The following COPS3 variants were observed in gnomAD, a reference collection of about 807,000 sequenced individuals.
COPS3 encodes the protein COP9 signalosome subunit 3, also known as COP9 signalosome complex subunit 3.
COPS3 carries 10 observed loss-of-function variants against 58.2 expected under a neutral mutation model. The observed-to-expected ratio is 0.17, with a 90% CI of 0.11 to 0.29. The LOEUF (loss-of-function observed/expected upper bound fraction) is 0.29, where lower values mean the gene tolerates loss of function less well. Among genes scored for constraint, COPS3 ranks in the 10% least tolerant of loss-of-function variants. COPS3 has a pLI of 1.00. For synonymous variants in COPS3, 187 were observed against 181.7 expected (o/e 1.03, Z -0.24); for missense variants, 333 against 510.1 (o/e 0.65, Z 3.34).
chr17:17,260,788 G>C, intron 7 of COPS3: 2 of 141,132 alleles, frequency 1.4e-5, no homozygotes, highest in Non-Finnish European at 2.9e-5. Context: ...GGGCAACAAA[G>C]CAAAACTCCG....
intron 7 of COPS3, 164 bp downstream of exon 7, chr17:17,261,802 C>T: frequency 1.7e-6 from 1 of 578,462 alleles, no homozygotes; most frequent in Non-Finnish European, 3.0e-6. Flanking sequence ...CCATTCCAAT[C>T]AGGTAATGAG....
At chr17:17,272,624 T>C (rs1277946893) in intron 2 of COPS3, among the ~76,000 whole-genome samples, 2 of 152,078 alleles carry the variant, frequency 1.3e-5, no homozygotes, top group African/African-American at 4.8e-5. Flanking sequence ...AATGAAAATA[T>C]TGGCTGGGCA....
In COPS3 at chr17:17,247,526, T is replaced by C. The variant is rs1779411088; in HGVS notation, c.1172A>G (p.Lys391Arg). The C allele has an allele frequency of 6.2e-7, 1 of 1,614,244 alleles. No homozygotes were observed. The highest frequency in any genetic ancestry group is 8.5e-7 in the Non-Finnish European group (1 of 1,180,044). Residue 391 changes from lysine to arginine, a missense_variant, in exon 11 of 12, where the codon AAA becomes AGA. Physicochemically the swap from Lys to Arg is conservative, Grantham distance 26. Transcript: ENST00000268717. ...LKCIELDERL[K>R]AMDQEITVNP... ...CACTGTGATCTCCTGGTCCATGGCT[T>C]TCAGCCGCTCATCCAGCTCAATGCA... is the stretch of plus-strand genomic sequence containing the variant.
intron 6 of COPS3, 78 bp from the exon 7 acceptor site, chr17:17,262,184 A>G (rs2048115910): frequency 1.5e-6 from 2 of 1,299,806 alleles, no homozygotes; most frequent in Non-Finnish European, 2.1e-6. Context: ...GTATCACATT[A>G]ATTATAAGTC....
At chr17:17,267,591 T>C (rs2048255500) in intron 5 of COPS3, among the ~76,000 whole-genome samples, 2 of 150,756 alleles carry the variant, frequency 1.3e-5, no homozygotes, top group African/African-American at 4.9e-5. Context: ...TGAGCTGAGA[T>C]TGTGCCACTG....
chr17:17,266,130 T>C (rs1712010395), intron 5 of COPS3, among the ~76,000 whole-genome samples: 1 of 152,158 alleles, frequency 6.6e-6, no homozygotes, highest in Non-Finnish European at 1.5e-5. Flanking sequence ...TTTGAAATAA[T>C]CCACATACCA....
At chr17:17,249,946 A>G (rs943371230) in intron 9 of COPS3, among the ~76,000 whole-genome samples, 4 of 152,064 alleles carry the variant, frequency 2.6e-5, no homozygotes, top group Admixed American at 6.6e-5. Context: ...TAAAGTGAGC[A>G]ATTAATTGGC....
Position 17,252,266 on chromosome 17 carries a change from A to C in COPS3, c.1023+2593T>G, listed in dbSNP as rs74583570. Among the ~76,000 whole-genome samples, 63 of 152,208 alleles carry C rather than the reference A, an allele frequency of 4.1e-4. 1 individual carries two copies. The highest frequency in any genetic ancestry group is 2.3e-3 in the South Asian group (11 of 4,828). On this transcript the variant is annotated intron_variant, in intron 9 of 11. Coordinates refer to ENST00000268717, the MANE Select transcript of COPS3 (RefSeq NM_003653.4). ...TTAAAAAACAAACAAACAAAAAAAA[A>C]CCCTGGTCTCACAGACCTTTCATTC...
chr17:17,265,991 G>A (rs986127349), intron 5 of COPS3, among the ~76,000 whole-genome samples: 5 of 152,300 alleles, frequency 3.3e-5, no homozygotes, highest in African/African-American at 4.8e-5. Flanking sequence ...TAATGGAGAC[G>A]CAGTGTAGAC....
chr17:17,266,579 G>A (rs1005895154), intron 5 of COPS3, among the ~76,000 whole-genome samples: 1 of 151,260 alleles, frequency 6.6e-6, no homozygotes, highest in Non-Finnish European at 1.5e-5. Flanking sequence ...TGGGCGGATC[G>A]CTTGAAGTCA....
intron 3 of COPS3, 36 bp from the exon 4 acceptor site, chr17:17,270,843 T>C: frequency 6.2e-7 from 1 of 1,603,720 alleles, no homozygotes; most frequent in African/African-American, 1.3e-5. Flanking sequence ...AATATAAATA[T>C]AACCACAAGG....
intron 2 of COPS3, among the ~76,000 whole-genome samples, chr17:17,271,836 A>ATATC (rs1015322673): frequency 7.6e-5 from 6 of 79,096 alleles, no homozygotes; most frequent in East Asian, 5.3e-4. Flanking sequence ...AAATCTATAT[A>ATATC]TATCTATATA....
At chr17:17,253,920 GGT>G (rs2047904339) in intron 9 of COPS3, among the ~76,000 whole-genome samples, 1 of 152,020 alleles carries the variant, frequency 6.6e-6, no homozygotes, top group Non-Finnish European at 1.5e-5. Flanking sequence ...GAACCCTGGA[GGT>G]GGGGGTTGCA....
At position 17,262,100 on chromosome 17, in the gene COPS3, T is replaced by C; in HGVS notation, c.628A>G (p.Thr210Ala). 1 of 1,608,736 alleles carries C rather than the reference T, an allele frequency of 6.2e-7. No homozygotes were observed. Among genetic ancestry groups the C allele is most frequent in the Non-Finnish European group, 8.5e-7 (1 of 1,178,620 alleles). Residue 210 changes from threonine (T) to alanine (A), a missense_variant, in exon 7 of 12, where the codon ACT (threonine) becomes GCT (alanine). Thr to Ala is a moderately conservative substitution (Grantham distance 58). Transcript: ENST00000268717. ...RALYFYEQAI[T>A]TPAMAVSHIM... is the part of the protein sequence containing the mutation. Reference sequence around the variant, plus strand: ...TGACTGACCGCCATGGCAGGAGTAGTTATAGCCTAGGCAAGAGAAGAATGC... The same window carrying C: ...TGACTGACCGCCATGGCAGGAGTAGCTATAGCCTAGGCAAGAGAAGAATGC...
At chr17:17,262,132 T>A (rs2048114639) in intron 6 of COPS3, 26 bp from the exon 7 acceptor site, 1 of 1,597,346 alleles carries the variant, frequency 6.3e-7, no homozygotes. Flanking sequence ...ATGCTTGCTG[T>A]AAAGAGAACA....
intron 6 of COPS3, 140 bp from the exon 7 acceptor site, chr17:17,262,246 G>T (rs2048117323): frequency 2.5e-6 from 2 of 794,170 alleles, no homozygotes; most frequent in Non-Finnish European, 3.9e-6. Context: ...TATTGAGATA[G>T]AATTCATTTT....
chr17:17,251,769 A>G (rs1394012630), intron 9 of COPS3, among the ~76,000 whole-genome samples: 2 of 152,316 alleles, frequency 1.3e-5, no homozygotes, highest in East Asian at 3.9e-4. Context: ...AGAAACAAAC[A>G]GAACTAAAAT....
chr17:17,260,343 G>A lies in COPS3; in HGVS notation c.894C>T (p.Cys298=). The A allele has an allele frequency of 6.2e-7, 1 of 1,614,156 alleles. No individual in the cohort carries two copies. The highest frequency in any genetic ancestry group is 8.5e-7 in the Non-Finnish European group (1 of 1,180,006). Residue 298 remains cysteine (C), a synonymous_variant, in exon 8 of 12, where the codon TGC becomes TGT. Coordinates refer to ENST00000268717, the MANE Select transcript of COPS3 (RefSeq NM_003653.4). ...RDNNMGLVKQ[C]LSSLYKKNIQ... is the part of the protein sequence containing the mutation. ...TATTCTTCTTATAAAGAGATGACAA[G>A]CATTGCTTCACCAGCCCCATGTTGT...
intron 1 of COPS3, chr17:17,280,850 T>C (rs1555622598): frequency 1.0e-5 from 12 of 1,158,166 alleles, no homozygotes; most frequent in Non-Finnish European, 1.3e-5. Context: ...CCCCAAACTG[T>C]CAAGCAAAGC....
Sources: gnomAD v4.1 joint callset for allele counts (sites outside exome capture counted in the v4.1 genomes callset) on GRCh38, gnomAD v4.1.1 for gene constraint, MANE v1.5 for transcripts, NCBI Gene and HGNC (gene_info 2026-07-23, HGNC 2026-07-21) for gene names.